ANGPTL2: variants seen among roughly 807,000 people sequenced by gnomAD.
ANGPTL2 encodes the protein angiopoietin-related protein 2.
In ANGPTL2, 25 loss-of-function variants were observed where a neutral mutation model predicts 52.8. The ratio of observed to expected loss-of-function variants is 0.47; its 90% CI spans 0.35 to 0.66. The LOEUF is 0.66. Among genes scored for constraint, ANGPTL2 ranks in the 30% least tolerant of loss-of-function variants. The pLI, the probability that ANGPTL2 is intolerant of heterozygous loss-of-function variation, is 0.01. For missense variants in ANGPTL2, 546 were observed against 656.9 expected, an observed-to-expected ratio of 0.83 and a Z score of 1.84; for synonymous variants, 276 against 277.4, an observed-to-expected ratio of 1.00 and a Z score of 0.05.
At chr9:127,104,843 C>T (rs1441021757) in intron 2 of ANGPTL2, among the ~76,000 whole-genome samples, 3 of 152,258 alleles carry the variant, frequency 2.0e-5, no homozygotes, top group Non-Finnish European at 4.4e-5. Flanking sequence ...AAAGGTATTT[C>T]TGGCTAAGTG....
intron 1 of ANGPTL2, among the ~76,000 whole-genome samples, chr9:127,114,505 T>C (rs1284698339): frequency 6.6e-6 from 1 of 152,058 alleles, no homozygotes; most frequent in Non-Finnish European, 1.5e-5. Context: ...ACGACAGGAG[T>C]GCTCTTGCCG....
chr9:127,111,540 C>T (rs146586727), intron 1 of ANGPTL2, among the ~76,000 whole-genome samples: 405 of 152,332 alleles, frequency 2.7e-3, no homozygotes, highest in African/African-American at 9.2e-3. Context: ...TAGATTGGGG[C>T]AGGGATCCCA....
chr9:127,089,318 G>A (rs1254539414), intron 4 of ANGPTL2, among the ~76,000 whole-genome samples, 180 bp from the exon 5 acceptor site: 1 of 152,212 alleles, frequency 6.6e-6, no homozygotes, highest in African/African-American at 2.4e-5. Flanking sequence ...TTGAGGCTCA[G>A]CTTTGTAACT....
intron 1 of ANGPTL2, among the ~76,000 whole-genome samples, chr9:127,115,106 T>C (rs932089951): frequency 6.6e-6 from 1 of 152,226 alleles, no homozygotes; most frequent in Admixed American, 6.5e-5. Flanking sequence ...CTCTATCTCA[T>C]TGGCTCTTAA....
rs1392166339 is a variant in ANGPTL2 at position 127,108,467 on chromosome 9, G to C, written c.265C>G (p.Leu89Val). The C allele has an allele frequency of 1.9e-6, 3 of 1,611,990 alleles. No homozygotes were observed. Among genetic ancestry groups the C allele is most frequent in the Non-Finnish European group, 2.5e-6 (3 of 1,179,604 alleles). Residue 89 changes from leucine (L) to valine (V), a missense_variant, in exon 2 of 5, where the codon CTA becomes GTA. By Grantham distance (32) the Leu-to-Val change is conservative. This residue lies in a region of ANGPTL2 where 285 missense variants were observed against 295.8 expected (regional missense o/e 0.96). Transcript: ENST00000373425. ...LLENRVHKQELELLNNELLKQ... is the reference protein window; with the variant it reads ...LLENRVHKQEVELLNNELLKQ... ...AGCAGCTCATTGTTGAGCAGCTCTA[G>C]CTCCTGCTTATGCACTCGGTTCTCC...
chr9:127,099,676 G>A (rs964666517), intron 2 of ANGPTL2, among the ~76,000 whole-genome samples: 15 of 152,202 alleles, frequency 9.9e-5, no homozygotes, highest in African/African-American at 3.6e-4. Flanking sequence ...TAAGATTCTG[G>A]TTATGGATGT....
rs140507856 is a variant in ANGPTL2 at position 127,091,828 on chromosome 9, C to A, written c.1124G>T (p.Arg375Leu). The change falls in exon 4 of 5, where the codon CGC becomes CTC. Residue 375 changes from arginine to leucine, a missense_variant. Around this residue, in one of 2 missense-constraint regions of ANGPTL2, gnomAD observed 261 missense variants for 361.0 expected, o/e 0.72. Transcript: ENST00000373425. This position sits in a 1 kb window ranked among gnomAD's most constrained non-coding sequence, Gnocchi z 4.3. ...LLVTMEDWSG[R>L]KVFAEYASFR... ...ACTGGCGTATTCTGCAAAGACTTTG[C>A]GGCCGGACCAGTCCTCCATGGTCAC... is the stretch of plus-strand genomic sequence containing the variant. The A allele has an allele frequency of 1.2e-6, 2 of 1,614,188 alleles. No homozygotes were observed. The highest frequency in any genetic ancestry group is 1.7e-6 in the Non-Finnish European group (2 of 1,180,030).
chr9:127,111,898 A>G (rs1035604681), intron 1 of ANGPTL2, among the ~76,000 whole-genome samples: 1 of 152,222 alleles, frequency 6.6e-6, no homozygotes, highest in Non-Finnish European at 1.5e-5. Flanking sequence ...TTTTACTAGT[A>G]AAAGGGTATT....
intron 2 of ANGPTL2, among the ~76,000 whole-genome samples, chr9:127,097,475 G>A (rs1321833882): frequency 6.6e-6 from 1 of 152,210 alleles, no homozygotes; most frequent in Non-Finnish European, 1.5e-5. Context: ...AGAACCCTTA[G>A]TAGACCTCTG....
intron 1 of ANGPTL2, among the ~76,000 whole-genome samples, chr9:127,110,681 G>T (rs2054713207): frequency 6.6e-6 from 1 of 152,060 alleles, no homozygotes; most frequent in Non-Finnish European, 1.5e-5. Context: ...AGTTTTTCCT[G>T]TGTTCATAAA....
At chr9:127,089,365 C>G (rs929161324) in intron 4 of ANGPTL2, among the ~76,000 whole-genome samples, 1 of 152,208 alleles carries the variant, frequency 6.6e-6, no homozygotes, top group Admixed American at 6.5e-5. Context: ...GACTTGACCT[C>G]TCCCAGCCAC....
chr9:127,089,279 T>C (rs1311833964), intron 4 of ANGPTL2, 141 bp from the exon 5 acceptor site: 3 of 826,826 alleles, frequency 3.6e-6, no homozygotes. Context: ...TCTCCATGGG[T>C]GGTGAGAGGC....
chr9:127,115,706 C>T (rs1269854427), intron 1 of ANGPTL2, among the ~76,000 whole-genome samples: 1 of 152,226 alleles, frequency 6.6e-6, no homozygotes, highest in Non-Finnish European at 1.5e-5. Context: ...ATGTTACTCA[C>T]TGTTGACTGA....
intron 2 of ANGPTL2, among the ~76,000 whole-genome samples, chr9:127,101,084 T>C (rs2053675761): frequency 6.6e-6 from 1 of 152,200 alleles, no homozygotes; most frequent in Non-Finnish European, 1.5e-5. Context: ...CATCACCTCC[T>C]TCAGGAAGCT....
At chr9:127,099,116 T>C (rs1372344888) in intron 2 of ANGPTL2, among the ~76,000 whole-genome samples, 2 of 152,184 alleles carry the variant, frequency 1.3e-5, no homozygotes, top group African/African-American at 4.8e-5. Context: ...CTGGACCCCA[T>C]GGCTGGCCAG....
chr9:127,104,279 C>T (rs956717882), intron 2 of ANGPTL2, among the ~76,000 whole-genome samples: 6 of 152,218 alleles, frequency 3.9e-5, no homozygotes, highest in African/African-American at 1.4e-4. Context: ...GTCCTTTCCT[C>T]CCTGATCAGT....
chr9:127,122,349 C>T lies in ANGPTL2; in HGVS notation c.-84G>A, dbSNP rs1050456749. 3.3e-5 allele frequency: 5 copies of T among 152,546 alleles called. No individual in the cohort carries two copies. Among genetic ancestry groups the T allele is most frequent in the African/African-American group, 1.2e-4 (5 of 41,414 alleles). 9.4% of individuals were successfully genotyped at this position (152,546 alleles called of 1,614,324 possible). On this transcript the variant is annotated 5_prime_UTR_variant, in exon 1 of 5. An upstream open reading frame in the 5' UTR loses its in-frame stop. Transcript: ENST00000373425. This position sits in a 1 kb window ranked among gnomAD's most constrained non-coding sequence, Gnocchi z 6.4. Reference sequence around the variant, plus strand: ...CCTGCTTGGCTCCGGGGCGGCTCCTCACATGCTTCACCCTGGCCGTCAGCG... The same window carrying T: ...CCTGCTTGGCTCCGGGGCGGCTCCTTACATGCTTCACCCTGGCCGTCAGCG...
intron 1 of ANGPTL2, among the ~76,000 whole-genome samples, chr9:127,114,493 C>T (rs552811574): frequency 2.0e-5 from 3 of 152,324 alleles, no homozygotes; most frequent in South Asian, 2.1e-4. Flanking sequence ...CTAGGCAGGA[C>T]GACGACAGGA....
At position 127,108,001 on chromosome 9, in the gene ANGPTL2, C is replaced by T; in HGVS notation, c.731G>A (p.Ser244Asn). 1 of 1,599,110 alleles carries T rather than the reference C, an allele frequency of 6.3e-7. No individual in the cohort carries two copies. Among genetic ancestry groups the T allele is most frequent in the Non-Finnish European group, 8.5e-7 (1 of 1,170,346 alleles). Residue 244 changes from serine to asparagine, a missense_variant, in exon 2 of 5, where the codon AGT becomes AAT. Ser to Asn is a conservative substitution (Grantham distance 46). This residue lies in a region of ANGPTL2 where 261 missense variants were observed against 361.0 expected (regional missense o/e 0.72). Transcript: ENST00000373425. ...TGGCAGCACCTTCAGGTTCTGGTCACTCTGGATCTCGTTGGTAGAGATCTG... is the reference window on the plus strand; with the variant it reads ...TGGCAGCACCTTCAGGTTCTGGTCATTCTGGATCTCGTTGGTAGAGATCTG... ...INQISTNEIQ[S>N]DQNLKVLPPP...
Sources: allele counts gnomAD v4.1 joint callset (sites outside exome capture counted in the v4.1 genomes callset), GRCh38; gene constraint gnomAD v4.1.1; regional missense constraint gnomAD v4.1.1; non-coding constraint Gnocchi (gnomAD v3.1); transcripts MANE v1.5; gene names NCBI Gene and HGNC (gene_info 2026-07-23, HGNC 2026-07-21).